The following NEBL variants were observed in gnomAD, a reference collection of about 807,000 sequenced individuals.
NEBL encodes the protein nebulette.
A neutral mutation model predicts 140.2 loss-of-function variants in NEBL; 122 were observed. The ratio of observed to expected loss-of-function variants is 0.87; its 90% CI spans 0.75 to 1.01. NEBL has a LOEUF of 1.01. Among genes scored for constraint, NEBL ranks in the 50% least tolerant of loss-of-function variants. NEBL has a pLI of 0.00. For missense variants in NEBL, 1,365 were observed against 1,231.3 expected (o/e 1.11, Z -1.62); for synonymous variants, 436 against 398.9 (o/e 1.09, Z -1.11).
At chr10:20,846,260 A>G (rs887853263) in intron 11 of NEBL, among the ~76,000 whole-genome samples, 12 of 152,160 alleles carry the variant, frequency 7.9e-5, no homozygotes, top group African/African-American at 2.9e-4. Flanking sequence ...CCAGCCAAAT[A>G]TTTTGTTCAA....
chr10:20,820,064 AT>A (rs1392620226), intron 19 of NEBL, among the ~76,000 whole-genome samples: 1 of 152,196 alleles, frequency 6.6e-6, no homozygotes, highest in African/African-American at 2.4e-5. Context: ...TCAAATTGCC[AT>A]TTTATATTTA....
At chr10:21,189,638 TG>T (rs1686208391) in intron 3 of NEBL, among the ~76,000 whole-genome samples, 1 of 146,584 alleles carries the variant, frequency 6.8e-6, no homozygotes, top group Non-Finnish European at 1.5e-5. Flanking sequence ...CTAATTTTTT[TG>T]TATTTTTCAG....
chr10:20,867,780 C>G (rs1844446513), intron 7 of NEBL: 1 of 151,882 alleles, frequency 6.6e-6, no homozygotes, highest in Admixed American at 6.6e-5. Context: ...TTAGCTAATC[C>G]AACTTCTTCC....
chr10:20,982,194 G>A (rs539513480), intron 3 of NEBL, among the ~76,000 whole-genome samples: 1 of 152,200 alleles, frequency 6.6e-6, no homozygotes, highest in South Asian at 2.1e-4. Context: ...GTTTAGGAAT[G>A]CATCGTGTAG....
At chr10:20,891,844 A>G (rs1588958386) in intron 2 of NEBL, among the ~76,000 whole-genome samples, 1 of 152,216 alleles carries the variant, frequency 6.6e-6, no homozygotes, top group Non-Finnish European at 1.5e-5. Flanking sequence ...TGAATTGTGC[A>G]ATATGAATGA....
chr10:20,942,008 A>T (rs55763641), intron 4 of NEBL, among the ~76,000 whole-genome samples: 24,730 of 152,170 alleles, frequency 0.16, 2,309 homozygotes, highest in African/African-American at 0.25. Context: ...AAATGGCCAC[A>T]CTGCCCAAGG....
chr10:20,802,071 T>A (rs150480345), intron 26 of NEBL, among the ~76,000 whole-genome samples: 213 of 152,256 alleles, frequency 1.4e-3, no homozygotes, highest in African/African-American at 5.0e-3. Flanking sequence ...CAGAAACACA[T>A]AGCATACCTG....
intron 2 of NEBL, among the ~76,000 whole-genome samples, chr10:21,060,424 G>A (rs1345166581): frequency 6.6e-6 from 1 of 152,192 alleles, no homozygotes; most frequent in East Asian, 1.9e-4. Flanking sequence ...TCAAACTTGA[G>A]CGTGTATCAG....
intron 2 of NEBL, among the ~76,000 whole-genome samples, chr10:21,118,665 T>G (rs34275029): frequency 6.6e-6 from 1 of 152,186 alleles, no homozygotes; most frequent in Admixed American, 6.6e-5. Flanking sequence ...TTAGACACTG[T>G]TTTAGATATG....
chr10:20,927,691 A>T (rs935856149), intron 4 of NEBL, among the ~76,000 whole-genome samples: 3 of 152,212 alleles, frequency 2.0e-5, no homozygotes, highest in African/African-American at 7.2e-5. Flanking sequence ...TCACAGAATG[A>T]CTTATGTGTG....
At chr10:20,877,585 T>C (rs1459348910) in intron 5 of NEBL, among the ~76,000 whole-genome samples, 1 of 152,108 alleles carries the variant, frequency 6.6e-6, no homozygotes, top group Admixed American at 6.5e-5. Flanking sequence ...GTTGTGACAA[T>C]AGGAAAAGGC....
intron 3 of NEBL, among the ~76,000 whole-genome samples, chr10:21,012,861 T>G (rs1226021074): frequency 6.6e-6 from 1 of 151,986 alleles, no homozygotes; most frequent in African/African-American, 2.4e-5. Context: ...GGAAGTAGGG[T>G]GGGCCAGGAA....
intron 2 of NEBL, among the ~76,000 whole-genome samples, chr10:21,127,703 A>G (rs966269759): frequency 6.6e-6 from 1 of 152,222 alleles, no homozygotes; most frequent in Admixed American, 6.5e-5. Flanking sequence ...GGGACATGCT[A>G]TAAGGCAAAA....
At chr10:21,128,926 T>C (rs1838968367) in intron 2 of NEBL, among the ~76,000 whole-genome samples, 1 of 152,196 alleles carries the variant, frequency 6.6e-6, no homozygotes, top group Non-Finnish European at 1.5e-5. Context: ...CCGAATATCA[T>C]ATAAGCCACA....
chr10:20,859,676 A>G (rs1455259522), intron 8 of NEBL, 37 bp downstream of exon 8: 1 of 1,362,598 alleles, frequency 7.3e-7, no homozygotes, highest in East Asian at 2.3e-5. Context: ...AAGAATCAAA[A>G]GATTTTGAAA....
At chr10:21,286,392 C>T (rs1843055612) in intron 1 of NEBL, among the ~76,000 whole-genome samples, 1 of 152,202 alleles carries the variant, frequency 6.6e-6, no homozygotes, top group Non-Finnish European at 1.5e-5. Flanking sequence ...ATGCTACCAA[C>T]ATTGTTATGT....
intron 3 of NEBL, among the ~76,000 whole-genome samples, chr10:21,216,536 G>A (rs1841994919): frequency 6.6e-6 from 1 of 152,078 alleles, no homozygotes; most frequent in Non-Finnish European, 1.5e-5. Flanking sequence ...ACTTTGGGAG[G>A]GCAAGGTAGG....
intron 26 of NEBL, among the ~76,000 whole-genome samples, chr10:20,807,692 T>C (rs1237404465): frequency 6.6e-6 from 1 of 152,202 alleles, no homozygotes; most frequent in South Asian, 2.1e-4. Flanking sequence ...ATTTCAACAA[T>C]ATGGCCTTTG....
chr10:21,044,397 T>TGAAAAA (rs1834410312), intron 2 of NEBL, among the ~76,000 whole-genome samples: 1 of 34,870 alleles, frequency 2.9e-5, no homozygotes, highest in East Asian at 1.1e-3. Flanking sequence ...AGAGTAAGAA[T>TGAAAAA]AAAAAAAAAA....
Sources: gnomAD v4.1 joint callset for allele counts (sites outside exome capture counted in the v4.1 genomes callset) on GRCh38, gnomAD v4.1.1 for gene constraint, MANE v1.5 for transcripts, NCBI Gene and HGNC (gene_info 2026-07-23, HGNC 2026-07-21) for gene names.